TUSC3: variants seen among roughly 807,000 people sequenced by gnomAD.
TUSC3 encodes tumor suppressor candidate 3, also known as dolichyl-diphosphooligosaccharide--protein glycosyltransferase subunit TUSC3.
A neutral mutation model predicts 44.8 loss-of-function variants in TUSC3; 45 were observed. The observed-to-expected ratio is 1.00, with a 90% CI of 0.79 to 1.29. TUSC3 has a LOEUF of 1.29. TUSC3 is among the 50% of genes most tolerant of loss of function. The pLI is 0.00. For synonymous variants in TUSC3, 212 were observed against 152.9 expected, an observed-to-expected ratio of 1.39 and a Z score of -2.85; for missense variants, 519 against 437.9, an observed-to-expected ratio of 1.19 and a Z score of -1.65.
intron 1 of TUSC3, among the ~76,000 whole-genome samples, chr8:15,481,536 C>T (rs902310853): frequency 6.6e-6 from 1 of 152,112 alleles, no homozygotes; most frequent in African/African-American, 2.4e-5. Flanking sequence ...TGTTCATTTT[C>T]TCAGCATTCC....
At chr8:15,442,027 A>G (rs978765993) in intron 1 of TUSC3, among the ~76,000 whole-genome samples, 3 of 152,220 alleles carry the variant, frequency 2.0e-5, no homozygotes, top group Admixed American at 1.3e-4. Context: ...CTCTTAAATC[A>G]TATAACTGAC....
intron 1 of TUSC3, among the ~76,000 whole-genome samples, chr8:15,552,315 C>T (rs1262271098): frequency 2.6e-5 from 4 of 151,630 alleles, no homozygotes; most frequent in African/African-American, 9.7e-5. Context: ...TTGGTGAATA[C>T]TACATGTTAG....
intron 2 of TUSC3, among the ~76,000 whole-genome samples, chr8:15,629,746 A>T (rs1044599120): frequency 6.6e-6 from 1 of 151,898 alleles, no homozygotes. Context: ...TAAAAAAAAA[A>T]AAAGCGAAAT....
At chr8:15,622,959 CT>C in intron 1 of TUSC3, 120 bp from the exon 2 acceptor site, 1 of 1,029,742 alleles carries the variant, frequency 9.7e-7, no homozygotes, top group Non-Finnish European at 1.4e-6. Flanking sequence ...GGTCTTTTAT[CT>C]TTTCTATAAA....
chr8:15,813,359 G>A, the TUSC3 span, among the ~76,000 whole-genome samples: 2 of 146,274 alleles, frequency 1.4e-5, no homozygotes, highest in Non-Finnish European at 3.0e-5. Flanking sequence ...GAGTATTGGT[G>A]ATGTAGCATT....
At chr8:15,462,531 C>T (rs912380191) in intron 1 of TUSC3, among the ~76,000 whole-genome samples, 3 of 151,954 alleles carry the variant, frequency 2.0e-5, no homozygotes, top group African/African-American at 7.2e-5. Context: ...ATGTTATCTC[C>T]CTACGATATT....
chr8:15,728,471 AG>A (rs1159669708), intron 6 of TUSC3, among the ~76,000 whole-genome samples: 1 of 139,852 alleles, frequency 7.2e-6, no homozygotes, highest in Non-Finnish European at 1.6e-5. Flanking sequence ...GGAGGGAGGG[AG>A]GGAGGAGAGA....
At chr8:15,836,547 C>G in the TUSC3 span, among the ~76,000 whole-genome samples, 13 of 151,822 alleles carry the variant, frequency 8.6e-5, no homozygotes, top group Non-Finnish European at 1.6e-4. Flanking sequence ...CTGTCTTACC[C>G]TTTTCCACTC....
intron 1 of TUSC3, among the ~76,000 whole-genome samples, chr8:15,547,767 G>A (rs1281841395): frequency 2.6e-5 from 4 of 151,238 alleles, no homozygotes; most frequent in South Asian, 2.1e-4. Context: ...TCTGGTCCTC[G>A]TTCTCCCAAG....
chr8:15,596,551 C>G (rs552650612), intron 1 of TUSC3, among the ~76,000 whole-genome samples: 17 of 152,204 alleles, frequency 1.1e-4, no homozygotes, highest in Non-Finnish European at 2.1e-4. Context: ...CCTGTGCATA[C>G]TGAGGAATGA....
chr8:15,770,043 C>T (rs1195783065), downstream of TUSC3, among the ~76,000 whole-genome samples: 1 of 152,114 alleles, frequency 6.6e-6, no homozygotes, highest in Non-Finnish European at 1.5e-5. Context: ...TACCATTTGA[C>T]CCAGCAATCC....
intron 10 of TUSC3, 32 bp downstream of exon 10, chr8:15,757,887 T>A (rs1223132136): frequency 7.0e-7 from 1 of 1,420,598 alleles, no homozygotes; most frequent in African/African-American, 1.4e-5. Flanking sequence ...GAGCCTCAGT[T>A]TTCCTCATTT....
chr8:15,729,570 A>C (rs1810631616), intron 6 of TUSC3, among the ~76,000 whole-genome samples: 2 of 152,160 alleles, frequency 1.3e-5, no homozygotes, highest in Non-Finnish European at 2.9e-5. Flanking sequence ...TAGCAACATG[A>C]ATGCAGCAAG....
At chr8:15,752,928 C>T (rs971915290) in intron 9 of TUSC3, among the ~76,000 whole-genome samples, 1 of 151,880 alleles carries the variant, frequency 6.6e-6, no homozygotes, top group Admixed American at 6.6e-5. Flanking sequence ...CGATTTTACT[C>T]AAGGAAAAAC....
At chr8:15,453,235 T>C (rs73534221) in intron 1 of TUSC3, among the ~76,000 whole-genome samples, 2,057 of 125,576 alleles carry the variant, frequency 0.016, 45 homozygotes, top group African/African-American at 0.053. Context: ...AGCGTGGTAA[T>C]GATTATTACT....
intron 2 of TUSC3, among the ~76,000 whole-genome samples, chr8:15,644,250 G>T (rs1013941767): frequency 1.3e-5 from 2 of 152,170 alleles, no homozygotes; most frequent in African/African-American, 4.8e-5. Flanking sequence ...TGCAGTTATT[G>T]CCTAAGCCTT....
chr8:15,448,876 A>G (rs2129119920), intron 1 of TUSC3, among the ~76,000 whole-genome samples: 3 of 152,290 alleles, frequency 2.0e-5, no homozygotes, highest in Middle Eastern at 6.8e-3. Flanking sequence ...GTAGAGGTGA[A>G]AAATTTCTAT....
intron 1 of TUSC3, among the ~76,000 whole-genome samples, chr8:15,439,739 T>G (rs1585789792): frequency 6.6e-6 from 1 of 152,212 alleles, no homozygotes; most frequent in East Asian, 1.9e-4. Flanking sequence ...GTGTTATCTC[T>G]TTTATCTTAA....
intron 1 of TUSC3, among the ~76,000 whole-genome samples, chr8:15,470,257 T>TC (rs1383456150): frequency 1.1e-5 from 1 of 90,262 alleles, no homozygotes; most frequent in Non-Finnish European, 2.3e-5. Context: ...AGACCCTGTC[T>TC]CAAAAAAAAA....
Sources: gnomAD v4.1 joint callset for allele counts (sites outside exome capture counted in the v4.1 genomes callset) on GRCh38, gnomAD v4.1.1 for gene constraint, MANE v1.5 for transcripts, NCBI Gene and HGNC (gene_info 2026-07-23, HGNC 2026-07-21) for gene names.